Variants in FRMPD4 observed in about 807,000 individuals in gnomAD.
FRMPD4 encodes FERM and PDZ domain-containing protein 4.
Under a neutral mutation model 94.1 loss-of-function variants are expected in FRMPD4, and 22 were observed. The ratio of observed to expected loss-of-function variants is 0.23; its 90% CI spans 0.17 to 0.33. The LOEUF is 0.33. Among genes scored for constraint, FRMPD4 ranks in the 10% least tolerant of loss-of-function variants. The pLI, the probability that FRMPD4 is intolerant of heterozygous loss-of-function variation, is 1.00. For synonymous variants in FRMPD4, 631 were observed against 548.6 expected (o/e 1.15, Z -2.10); for missense variants, 1,111 against 1,339.9 (o/e 0.83, Z 2.67).
chrX:12,582,832 G>A (rs2058882070), intron 2 of FRMPD4, among the ~76,000 whole-genome samples: 1 of 112,376 alleles, frequency 8.9e-6, no homozygotes, highest in Admixed American at 9.4e-5. Context: ...CCAGAAGGCA[G>A]CATGTAGTGA....
intron 1 of FRMPD4, among the ~76,000 whole-genome samples, chrX:12,171,540 G>A (rs2056224089): frequency 9.0e-6 from 1 of 111,184 alleles, no homozygotes. Context: ...CTTCTAACTT[G>A]TTCAAGTTGG....
intron 1 of FRMPD4, among the ~76,000 whole-genome samples, chrX:12,310,767 G>A (rs974617565): frequency 4.5e-5 from 5 of 111,875 alleles, no homozygotes; most frequent in African/African-American, 1.6e-4. Flanking sequence ...ATCTTTATCT[G>A]CTCAGCAGGC....
intron 2 of FRMPD4, among the ~76,000 whole-genome samples, chrX:12,538,472 G>C (rs1238662702): frequency 8.9e-6 from 1 of 111,820 alleles, no homozygotes; most frequent in African/African-American, 3.2e-5. Context: ...GCTTTGAAGA[G>C]AGTAGTGGTT....
intron 2 of FRMPD4, among the ~76,000 whole-genome samples, chrX:11,868,989 A>G (rs1191432104): frequency 9.9e-6 from 1 of 101,453 alleles, no homozygotes; most frequent in Non-Finnish European, 2.1e-5. Flanking sequence ...AGAGAATGTC[A>G]CTTAACTTCT....
intron 3 of FRMPD4, among the ~76,000 whole-genome samples, chrX:11,890,193 A>C (rs2053866668): frequency 8.9e-6 from 1 of 112,753 alleles, no homozygotes; most frequent in Non-Finnish European, 1.9e-5. Flanking sequence ...TGAGAAAATC[A>C]AAGTTTAGAG....
At chrX:12,183,028 C>T (rs2056380071) in intron 1 of FRMPD4, among the ~76,000 whole-genome samples, 1 of 111,131 alleles carries the variant, frequency 9.0e-6, no homozygotes, top group African/African-American at 3.3e-5. Flanking sequence ...AAGTCTCGTC[C>T]TGCTGCTCCT....
rs188055944 is a variant in FRMPD4, at chrX:12,336,190, T to C, written c.42-162490T>C. Among the ~76,000 whole-genome samples the C allele has an allele frequency of 1.3e-3, 146 of 112,094 alleles. 1 individual carries two copies. Among genetic ancestry groups the C allele is most frequent in the African/African-American group, 4.0e-3 (125 of 30,867 alleles). On this transcript the variant is annotated intron_variant, in intron 1 of 16. Coordinates refer to ENST00000675598, the MANE Select transcript of FRMPD4 (RefSeq NM_001368397.1). The stretch of plus-strand genomic sequence containing the variant: ...AAAGAGATACCATAAGGACTTGCTT[T>C]CTTTAGATCTTGCTTTAGCTCCCTC...
intron 3 of FRMPD4, among the ~76,000 whole-genome samples, chrX:12,055,768 A>G (rs764322702): frequency 8.9e-6 from 1 of 111,816 alleles, no homozygotes; most frequent in African/African-American, 3.2e-5. Flanking sequence ...AGCATGTCCA[A>G]CTAGAGAGGA....
At chrX:12,225,601 A>G (rs1351872653) in intron 1 of FRMPD4, among the ~76,000 whole-genome samples, 1 of 111,924 alleles carries the variant, frequency 8.9e-6, no homozygotes, top group African/African-American at 3.3e-5. Flanking sequence ...CCGAAAATGG[A>G]ACAAAGAAAA....
At chrX:12,249,758 C>A (rs1790242701) in intron 1 of FRMPD4, among the ~76,000 whole-genome samples, 1 of 111,092 alleles carries the variant, frequency 9.0e-6, no homozygotes, top group East Asian at 2.8e-4. Flanking sequence ...AAAATCATTC[C>A]CTCAAAAATG....
At chrX:12,403,260 G>A (rs773107378) in intron 1 of FRMPD4, among the ~76,000 whole-genome samples, 12 of 111,359 alleles carry the variant, frequency 1.1e-4, no homozygotes, top group Non-Finnish European at 1.5e-4. Flanking sequence ...GCCTCCTTGG[G>A]GATCACTCCC....
rs181412508 is a variant in FRMPD4 at position 12,667,700 on chromosome X, A to T, written c.423-7163A>T. 2.7e-5 allele frequency among the ~76,000 whole-genome samples: 3 copies of T among 112,070 alleles called. No individual in the cohort carries two copies. The East Asian group carries it at 8.4e-4, about 31-fold the overall frequency. The stretch of plus-strand genomic sequence containing the variant: ...AAATGACATCCAATGAAATCATAAA[A>T]TGGTATATAATGCCAAAGCATGCTC... On this transcript the variant is annotated intron_variant, in intron 4 of 16. Coordinates refer to ENST00000675598, the MANE Select transcript of FRMPD4 (RefSeq NM_001368397.1).
chrX:12,438,589 TC>T (rs1226844143), intron 1 of FRMPD4, among the ~76,000 whole-genome samples: 1 of 111,192 alleles, frequency 9.0e-6, no homozygotes, highest in Non-Finnish European at 1.9e-5. Flanking sequence ...TCAGGATGTC[TC>T]CCAAGCAAGA....
At chrX:12,023,289 A>G (rs1431008928) in intron 3 of FRMPD4, among the ~76,000 whole-genome samples, 1 of 111,362 alleles carries the variant, frequency 9.0e-6, no homozygotes, top group Non-Finnish European at 1.9e-5. Flanking sequence ...TTTATAGGAC[A>G]CCCAGTCTAT....
intron 3 of FRMPD4, among the ~76,000 whole-genome samples, chrX:12,040,564 T>TG (rs1255152263): frequency 1.1e-5 from 1 of 93,644 alleles, no homozygotes; most frequent in Non-Finnish European, 2.1e-5. Flanking sequence ...TTTTTTTTTT[T>TG]TTTTTTTTTT....
At chrX:12,169,923 A>T (rs1287833005) in intron 1 of FRMPD4, among the ~76,000 whole-genome samples, 1 of 112,189 alleles carries the variant, frequency 8.9e-6, no homozygotes, top group Non-Finnish European at 1.9e-5. Context: ...GTTTACTTAT[A>T]AAAACAGGCA....
rs763368660 is a variant in FRMPD4 at position 12,721,512 on chromosome X, T to C, written c.4943T>C (p.Ile1648Thr). 23 of 753,476 alleles carry C rather than the reference T, an allele frequency of 3.1e-5. No homozygotes were observed. The highest frequency in any genetic ancestry group is 3.6e-5 in the Non-Finnish European group (23 of 638,648). 62.1% of individuals were successfully genotyped at this position (753,476 alleles called of 1,213,427 possible). Residue 1648 changes from isoleucine to threonine, a missense_variant, in exon 17 of 17, where the codon ATT (isoleucine) becomes ACT (threonine). This residue lies in a region of FRMPD4 where 551 missense variants were observed against 591.6 expected (regional missense o/e 0.93). Transcript: ENST00000675598. Reference sequence around the variant, plus strand: ...TCTCAGTACAAGCAACTGTTATCCATTGAGTCCAGACAGTTGGGAAGTGCC... The same window carrying C: ...TCTCAGTACAAGCAACTGTTATCCACTGAGTCCAGACAGTTGGGAAGTGCC... Reference protein sequence around the residue: ...TLSQYKQLLSIESRQLGSACR... With the variant: ...TLSQYKQLLSTESRQLGSACR...
chrX:11,913,870 G>T (rs952177459), intron 3 of FRMPD4, among the ~76,000 whole-genome samples: 3 of 112,020 alleles, frequency 2.7e-5, no homozygotes, highest in African/African-American at 9.7e-5. Flanking sequence ...GCGAGCAGAG[G>T]CAGGGGCTCC....
intron 1 of FRMPD4, among the ~76,000 whole-genome samples, chrX:12,305,228 T>C (rs1393353613): frequency 9.0e-6 from 1 of 111,583 alleles, no homozygotes; most frequent in Non-Finnish European, 1.9e-5. Flanking sequence ...GCTGCCCAGG[T>C]TTCCACAGAG....
Sources: gnomAD v4.1 joint callset for allele counts (sites outside exome capture counted in the v4.1 genomes callset) on GRCh38, gnomAD v4.1.1 for gene constraint, gnomAD v4.1.1 regional missense constraint, MANE v1.5 for transcripts, NCBI Gene and HGNC (gene_info 2026-07-23, HGNC 2026-07-21) for gene names.